CKAP5: variants seen among roughly 807,000 people sequenced by gnomAD.
The protein encoded by CKAP5 is cytoskeleton-associated protein 5.
In CKAP5, 27 loss-of-function variants were observed where a neutral mutation model predicts 232.8. The ratio of observed to expected loss-of-function variants is 0.12; its 90% CI spans 0.09 to 0.16. The LOEUF is 0.16. Among genes scored for constraint, CKAP5 ranks in the 10% least tolerant of loss-of-function variants. CKAP5 has a pLI of 1.00. For missense variants in CKAP5, 1,838 were observed against 2,424.7 expected (o/e 0.76, Z 5.08); for synonymous variants, 785 against 841.1 (o/e 0.93, Z 1.16).
intron 26 of CKAP5, among the ~76,000 whole-genome samples, chr11:46,768,442 G>A (rs1345877825): frequency 6.6e-6 from 1 of 151,854 alleles, no homozygotes; most frequent in African/African-American, 2.4e-5. Context: ...CTCTCAAAGT[G>A]GTGGAATTAC....
At position 46,766,672 on chromosome 11, in the gene CKAP5, G is replaced by T. The variant is rs940349325; in HGVS notation, c.3411+903C>A. On this transcript the variant is annotated intron_variant, in intron 27 of 43. Transcript: ENST00000529230. ...TGCACAGTTTTGCAATTTTCCTTTT[G>T]TAAGTGTTAAATAATTAACACTCTG... Among the ~76,000 whole-genome samples the T allele has an allele frequency of 3.3e-5, 5 of 152,132 alleles. No individual in the cohort carries two copies. The South Asian group carries it at 8.3e-4, about 25-fold the overall frequency.
chr11:46,827,082 G>C (rs1939676417), intron 1 of CKAP5, among the ~76,000 whole-genome samples: 1 of 152,150 alleles, frequency 6.6e-6, no homozygotes, highest in Non-Finnish European at 1.5e-5. Context: ...ACTGCAGTTG[G>C]GTGGACCTCT....
chr11:46,796,775 T>C lies in CKAP5; in HGVS notation c.1467+37A>G, dbSNP rs1391976465. The C allele has an allele frequency of 2.5e-6, 4 of 1,609,286 alleles. No homozygotes were observed. The African/African-American group carries it at 4.0e-5, about 16-fold the overall frequency. Reference sequence around the variant, plus strand: ...AAGCCATGATGCAAAGAGACAGGAATGTTGTCCAATTTCAGTCCAATCCAT... The same window carrying C: ...AAGCCATGATGCAAAGAGACAGGAACGTTGTCCAATTTCAGTCCAATCCAT... On this transcript the variant is annotated intron_variant, in intron 12 of 43. Coordinates refer to ENST00000529230, the MANE Select transcript of CKAP5 (RefSeq NM_001008938.4).
chr11:46,783,683 C>G (rs547160315), intron 17 of CKAP5, among the ~76,000 whole-genome samples: 3 of 151,422 alleles, frequency 2.0e-5, no homozygotes, highest in Admixed American at 2.0e-4. Context: ...GCCTCAAGCT[C>G]GTGGGCTTTC....
intron 2 of CKAP5, chr11:46,820,749 G>C (rs531379073): frequency 6.5e-6 from 1 of 152,768 alleles, no homozygotes; most frequent in Non-Finnish European, 1.5e-5. Context: ...TAGATTCTGA[G>C]GGTAAATATT....
At chr11:46,753,617 C>T in intron 36 of CKAP5, 120 bp from the exon 37 acceptor site, 1 of 714,148 alleles carries the variant, frequency 1.4e-6, no homozygotes, top group Middle Eastern at 4.1e-4. Flanking sequence ...GACGGAGTCT[C>T]CTCTGTCGCC....
chr11:46,806,773 C>G (rs1278726533), intron 8 of CKAP5, among the ~76,000 whole-genome samples: 1 of 152,214 alleles, frequency 6.6e-6, no homozygotes, highest in Non-Finnish European at 1.5e-5. Flanking sequence ...CAAATCAACA[C>G]TCATGGTACT....
At chr11:46,765,749 C>T (rs1023599504) in intron 27 of CKAP5, among the ~76,000 whole-genome samples, 5 of 151,890 alleles carry the variant, frequency 3.3e-5, no homozygotes, top group South Asian at 2.1e-4. Flanking sequence ...GGACCAAAGG[C>T]GCCCACCACC....
Position 46,743,963 on chromosome 11 carries a change from C to G in CKAP5, c.*60G>C, listed in dbSNP as rs2065003565. The stretch of plus-strand genomic sequence containing the variant: ...CTAGGCCTGCTGAGGCCATTTTAAA[C>G]TATGAGGACTTCTAGTTTAGTAAAC... On this transcript the variant is annotated 3_prime_UTR_variant, in exon 44 of 44. Transcript: ENST00000529230. The G allele has an allele frequency of 1.2e-6, 2 of 1,608,058 alleles. No individual in the cohort carries two copies. The highest frequency in any genetic ancestry group is 1.7e-6 in the Non-Finnish European group (2 of 1,177,600).
intron 27 of CKAP5, 78 bp downstream of exon 27, chr11:46,767,497 T>C: frequency 1.2e-6 from 1 of 858,554 alleles, no homozygotes. Flanking sequence ...TATAATATGA[T>C]CCTTCCTAAT....
chr11:46,758,714 G>GAAAA (rs5791737), intron 35 of CKAP5: 4 of 341,116 alleles, frequency 1.2e-5, no homozygotes, highest in African/African-American at 5.0e-5. Context: ...CTCAAAAGAG[G>GAAAA]AAAAAAAAAA....
At chr11:46,811,233 C>T in intron 4 of CKAP5, 55 bp from the exon 5 acceptor site, 1 of 1,395,964 alleles carries the variant, frequency 7.2e-7, no homozygotes, top group Non-Finnish European at 1.0e-6. Context: ...TTAAATAAAG[C>T]ATTAGCTTTT....
At chr11:46,787,678 C>T (rs1269557400) in intron 16 of CKAP5, among the ~76,000 whole-genome samples, 3 of 152,010 alleles carry the variant, frequency 2.0e-5, no homozygotes, top group African/African-American at 7.2e-5. Context: ...GATAAGGAGG[C>T]TTCTAGGCCT....
chr11:46,751,152 G>A lies in CKAP5; in HGVS notation c.5426C>T (p.Ser1809Phe), dbSNP rs1160788167. 6 of 1,614,122 alleles carry A rather than the reference G, an allele frequency of 3.7e-6. No homozygotes were observed. The highest frequency in any genetic ancestry group is 5.1e-6 in the Non-Finnish European group (6 of 1,180,016). Reference sequence around the variant, plus strand: ...TGCTCCCTTTTCTGTTTCCTTATCAGACTTGCTCCCAGTCTGGTCCATACT... The same window carrying A: ...TGCTCCCTTTTCTGTTTCCTTATCAAACTTGCTCCCAGTCTGGTCCATACT... Reference protein sequence around the residue: ...KHSMDQTGSKSDKETEKGASR... With the variant: ...KHSMDQTGSKFDKETEKGASR... The change falls in exon 40 of 44, where the codon TCT becomes TTT. Residue 1809 changes from serine to phenylalanine, a missense_variant. Transcript: ENST00000529230.
At chr11:46,802,549 GACAGACAGAC>G (rs1939053755) in intron 8 of CKAP5, among the ~76,000 whole-genome samples, 1 of 122,342 alleles carries the variant, frequency 8.2e-6, no homozygotes, top group South Asian at 2.3e-4. Context: ...CAGACAGACA[GACAGACAGAC>G]ACACACACAC....
intron 1 of CKAP5, among the ~76,000 whole-genome samples, chr11:46,825,650 T>TAA (rs1347657529): frequency 6.6e-6 from 1 of 151,982 alleles, no homozygotes; most frequent in Non-Finnish European, 1.5e-5. Context: ...AAGGAGATGC[T>TAA]ATTGCAGAAG....
chr11:46,749,093 G>C (rs963846567), intron 42 of CKAP5, among the ~76,000 whole-genome samples: 14 of 151,002 alleles, frequency 9.3e-5, no homozygotes, highest in African/African-American at 3.4e-4. Context: ...GCCTCCCAAA[G>C]TCCTGGATTA....
chr11:46,789,857 T>C (rs1417209984), intron 15 of CKAP5, among the ~76,000 whole-genome samples: 1 of 152,158 alleles, frequency 6.6e-6, no homozygotes, highest in African/African-American at 2.4e-5. Flanking sequence ...TTCTTAAGTA[T>C]TAAGTCATGA....
At chr11:46,770,173 C>T in intron 25 of CKAP5, 75 bp from the exon 26 acceptor site, 3 of 1,467,134 alleles carry the variant, frequency 2.0e-6, no homozygotes, top group East Asian at 2.3e-5. Flanking sequence ...TGAACAAATC[C>T]TCTGTCAAAC....
Sources: allele counts gnomAD v4.1 joint callset (sites outside exome capture counted in the v4.1 genomes callset), GRCh38; gene constraint gnomAD v4.1.1; transcripts MANE v1.5; gene names NCBI Gene and HGNC (gene_info 2026-07-23, HGNC 2026-07-21).